The following ABCB1 variants were observed in gnomAD, a reference collection of about 807,000 sequenced individuals.
ABCB1 encodes ATP binding cassette subfamily B member 1.
In ABCB1, 69 loss-of-function variants were observed where a neutral mutation model predicts 142.0. The ratio of observed to expected loss-of-function variants is 0.49; its 90% CI spans 0.40 to 0.59. ABCB1 has a LOEUF of 0.59. Among genes scored for constraint, ABCB1 ranks in the 20% least tolerant of loss-of-function variants. The probability of loss-of-function intolerance (pLI) is 0.00; values close to 1 mark genes in which losing one functional copy is unlikely to be tolerated. For missense variants in ABCB1, 1,326 were observed against 1,554.7 expected, an observed-to-expected ratio of 0.85 and a Z score of 2.47; for synonymous variants, 532 against 539.2, an observed-to-expected ratio of 0.99 and a Z score of 0.18.
chr7:87,563,317 G>T (rs1028797669), intron 7 of ABCB1: 4 of 447,174 alleles, frequency 8.9e-6, no homozygotes, highest in Non-Finnish European at 9.0e-6. Context: ...ATTCTATGAG[G>T]CCAGAATAAT....
At chr7:87,572,598 A>G (rs751516804) in intron 4 of ABCB1, among the ~76,000 whole-genome samples, 20 of 152,224 alleles carry the variant, frequency 1.3e-4, no homozygotes, top group Admixed American at 3.9e-4. Context: ...TTATAAAGAC[A>G]CATGCATGCA....
At chr7:87,644,745 TTCTC>T (rs1822810320) in intron 1 of ABCB1, among the ~76,000 whole-genome samples, 1 of 151,674 alleles carries the variant, frequency 6.6e-6, no homozygotes. Context: ...TTACTACTTA[TTCTC>T]TCTGTGTATA....
At chr7:87,512,631 T>C (rs1207556503) in intron 25 of ABCB1, among the ~76,000 whole-genome samples, 1 of 152,196 alleles carries the variant, frequency 6.6e-6, no homozygotes, top group Non-Finnish European at 1.5e-5. Context: ...CATTTTTACA[T>C]GGCAATAAAA....
chr7:87,534,931 A>C (rs1265567114), intron 20 of ABCB1, among the ~76,000 whole-genome samples: 8 of 142,218 alleles, frequency 5.6e-5, no homozygotes, highest in Admixed American at 2.9e-4. Context: ...AAAAAAAAAA[A>C]AAAAAAAAAC....
intron 1 of ABCB1, among the ~76,000 whole-genome samples, chr7:87,633,533 C>T (rs1166960331): frequency 6.6e-6 from 1 of 152,194 alleles, no homozygotes; most frequent in Non-Finnish European, 1.5e-5. Context: ...CTGTTTCTTC[C>T]TACCAAGTTA....
At position 87,671,691 on chromosome 7, in the gene ABCB1, G is replaced by C. The variant is rs76298828; in HGVS notation, c.-331+41470C>G. Among the ~76,000 whole-genome samples the C allele has an allele frequency of 3.1e-3, 465 of 152,236 alleles. 6 individuals carry two copies. The East Asian group carries it at 0.048, about 16-fold the overall frequency. ...CTGGGAGGTCCCACCCAGTAAGAAG[G>C]AGCAAGATTGAGGACCCACTTAAAA... On this transcript the variant is annotated intron_variant, in intron 1 of 28. Transcript: ENST00000265724.
intron 4 of ABCB1, among the ~76,000 whole-genome samples, chr7:87,577,197 C>T (rs1362825015): frequency 6.6e-6 from 1 of 152,134 alleles, no homozygotes; most frequent in Non-Finnish European, 1.5e-5. Context: ...GCTTATTTCA[C>T]TTAATATAAT....
At chr7:87,665,085 G>T (rs1825094122) in intron 1 of ABCB1, among the ~76,000 whole-genome samples, 1 of 152,054 alleles carries the variant, frequency 6.6e-6, no homozygotes, top group Non-Finnish European at 1.5e-5. Flanking sequence ...CATCATTCTG[G>T]ATCTCCTAGC....
At chr7:87,650,476 A>T (rs145394922) in intron 1 of ABCB1, among the ~76,000 whole-genome samples, 2 of 152,084 alleles carry the variant, frequency 1.3e-5, no homozygotes, top group Non-Finnish European at 2.9e-5. Flanking sequence ...GGCCTCTTTT[A>T]TAAGAGTACT....
chr7:87,677,683 C>CA (rs1164822936), intron 1 of ABCB1, among the ~76,000 whole-genome samples: 6 of 152,160 alleles, frequency 3.9e-5, no homozygotes, highest in South Asian at 2.1e-4. Context: ...CAGAACAAAA[C>CA]AAAAAACCCA....
At chr7:87,527,514 T>C (rs1047413594) in intron 21 of ABCB1, among the ~76,000 whole-genome samples, 1 of 152,132 alleles carries the variant, frequency 6.6e-6, no homozygotes, top group Non-Finnish European at 1.5e-5. Context: ...CTATAGTATG[T>C]ATCAAGCAGT....
chr7:87,633,304 G>A (rs1018301316), intron 1 of ABCB1, among the ~76,000 whole-genome samples: 4 of 152,154 alleles, frequency 2.6e-5, no homozygotes, highest in African/African-American at 4.8e-5. Flanking sequence ...TATTTTGGAT[G>A]GATTGCTTTA....
chr7:87,550,951 A>C, intron 9 of ABCB1, 113 bp from the exon 10 acceptor site: 1 of 716,842 alleles, frequency 1.4e-6, no homozygotes, highest in Non-Finnish European at 2.5e-6. Context: ...ATGGCGAGGC[A>C]ACATATAAAT....
chr7:87,531,074 A>T (rs903853006), intron 21 of ABCB1, among the ~76,000 whole-genome samples: 3 of 152,138 alleles, frequency 2.0e-5, no homozygotes, highest in Non-Finnish European at 4.4e-5. Flanking sequence ...CTGAAAACTG[A>T]AAAAGTCTGT....
intron 1 of ABCB1, among the ~76,000 whole-genome samples, chr7:87,626,190 T>TCATATATATTGC (rs1345848229): frequency 8.5e-6 from 1 of 117,828 alleles, no homozygotes; most frequent in Non-Finnish European, 1.8e-5. Context: ...TATATATGTG[T>TCATATATATTGC]CATATATATG....
intron 21 of ABCB1, among the ~76,000 whole-genome samples, chr7:87,525,724 T>C (rs1815752654): frequency 6.6e-6 from 1 of 151,988 alleles, no homozygotes; most frequent in African/African-American, 2.4e-5. Flanking sequence ...AGAAGAGGGA[T>C]TGGTCTTGCT....
At position 87,555,635 on chromosome 7, in the gene ABCB1, T is replaced by C. The variant is rs1817274575; in HGVS notation, c.828-1703A>G. ...AACATAGCAACACATCATTAGTTTC[T>C]ACCCCCCAAAATGTAAATCCTCAAC... is the stretch of plus-strand genomic sequence containing the variant. On this transcript the variant is annotated intron_variant, in intron 8 of 27. Coordinates refer to ENST00000622132, the MANE Select transcript of ABCB1 (RefSeq NM_001348946.2). 2.6e-5 allele frequency among the ~76,000 whole-genome samples: 4 copies of C among 152,180 alleles called. No homozygotes were observed. In the South Asian group the frequency reaches 8.3e-4, roughly 32 times the overall value.
In ABCB1 at chr7:87,549,981, T is replaced by G; in HGVS notation, c.1424A>C (p.Gln475Pro). Residue 475 changes from glutamine to proline, a missense_variant, in exon 13 of 28, where the codon CAG (glutamine) becomes CCG (proline). Coordinates refer to ENST00000622132, the MANE Select transcript of ABCB1 (RefSeq NM_001348946.2). Reference protein sequence around the residue: ...FLREIIGVVSQEPVLFATTIA... With the variant: ...FLREIIGVVSPEPVLFATTIA... ...CGTGGTGGCAAACAATACAGGTTCC[T>G]GACTCACCACACCAATGATTTCCCG... 6.2e-7 allele frequency: 1 copy of G among 1,614,250 alleles called. No individual in the cohort carries two copies. The highest frequency in any genetic ancestry group is 1.1e-5 in the South Asian group (1 of 91,090).
chr7:87,660,771 T>C (rs1313274779), intron 1 of ABCB1, among the ~76,000 whole-genome samples: 1 of 151,994 alleles, frequency 6.6e-6, no homozygotes, highest in East Asian at 1.9e-4. Flanking sequence ...ATATTTTCAT[T>C]AATACTCATT....
Sources: allele counts gnomAD v4.1 joint callset (sites outside exome capture counted in the v4.1 genomes callset), GRCh38; gene constraint gnomAD v4.1.1; transcripts MANE v1.5; gene names NCBI Gene and HGNC (gene_info 2026-07-23, HGNC 2026-07-21).